Variants in SUMF1 observed in about 807,000 individuals in gnomAD.
SUMF1 encodes formylglycine-generating enzyme.
A neutral mutation model predicts 47.6 loss-of-function variants in SUMF1; 48 were observed. The ratio of observed to expected loss-of-function variants is 1.01; its 90% CI spans 0.80 to 1.28. The LOEUF (loss-of-function observed/expected upper bound fraction) is 1.28. Ranked by LOEUF, SUMF1 falls within the 50% of genes most tolerant of loss-of-function variation. The probability of loss-of-function intolerance (pLI) is 0.00; values close to 1 mark genes in which losing one functional copy is unlikely to be tolerated. For missense variants in SUMF1, 571 were observed against 485.4 expected (o/e 1.18, Z -1.66); for synonymous variants, 230 against 192.1 (o/e 1.20, Z -1.63).
chr3:4,430,749 T>A (rs748118806), intron 3 of SUMF1, among the ~76,000 whole-genome samples: 2 of 152,040 alleles, frequency 1.3e-5, no homozygotes, highest in South Asian at 4.2e-4. Context: ...AGAAGCTCAA[T>A]GAGCTATGGG....
At chr3:4,270,850 T>C (rs1436581665) in intron 8 of SUMF1, among the ~76,000 whole-genome samples, 1 of 152,218 alleles carries the variant, frequency 6.6e-6, no homozygotes, top group Non-Finnish European at 1.5e-5. Context: ...CTAAAGGGCT[T>C]GGTATTCTTA....
Position 4,233,680 on chromosome 3 carries a change from G to C in SUMF1, c.1014+142650C>G, listed in dbSNP as rs570904319. On this transcript the variant is annotated intron_variant and NMD_transcript_variant, in intron 8 of 12. Coordinates refer to the SUMF1 transcript ENST00000448413. Reference sequence around the variant, plus strand: ...TGTCTGAGTCATGAAAGACTGTTTGGGCACAGATGAGCAGATGTGAAATGC... The same window carrying C: ...TGTCTGAGTCATGAAAGACTGTTTGCGCACAGATGAGCAGATGTGAAATGC... 2.0e-5 allele frequency among the ~76,000 whole-genome samples: 3 copies of C among 152,198 alleles called. 1 individual carries two copies. In the South Asian group the frequency reaches 6.2e-4, roughly 32 times the overall value.
At chr3:4,317,422 AC>A (rs1399224215) in intron 8 of SUMF1, 28 of 573,062 alleles carry the variant, frequency 4.9e-5, no homozygotes, top group Non-Finnish European at 6.4e-5. Flanking sequence ...GTGGCTTACA[AC>A]TGTAATCCCA....
chr3:4,437,384 G>A (rs953250861), intron 3 of SUMF1, among the ~76,000 whole-genome samples: 1 of 151,972 alleles, frequency 6.6e-6, no homozygotes, highest in Non-Finnish European at 1.5e-5. Flanking sequence ...GAGATATAAA[G>A]TATATGACTT....
chr3:4,242,290 T>G (rs1273762637), intron 8 of SUMF1, among the ~76,000 whole-genome samples: 1 of 152,204 alleles, frequency 6.6e-6, no homozygotes, highest in Non-Finnish European at 1.5e-5. Flanking sequence ...CTGATTGCCC[T>G]GGTCAGAACT....
At chr3:4,090,369 T>G (rs1692759558) in intron 8 of SUMF1, among the ~76,000 whole-genome samples, 1 of 152,078 alleles carries the variant, frequency 6.6e-6, no homozygotes, top group Non-Finnish European at 1.5e-5. Context: ...CTGGCATGTC[T>G]AAGTTGTCCC....
chr3:4,465,411 G>A (rs1172386527), intron 1 of SUMF1, among the ~76,000 whole-genome samples: 2 of 152,010 alleles, frequency 1.3e-5, no homozygotes, highest in African/African-American at 2.4e-5. Flanking sequence ...CCCAGGAGGT[G>A]GAGATTGCAG....
At chr3:4,105,112 A>C (rs1377087615) in intron 8 of SUMF1, among the ~76,000 whole-genome samples, 2 of 152,268 alleles carry the variant, frequency 1.3e-5, no homozygotes, top group Non-Finnish European at 2.9e-5. Flanking sequence ...GGACATGATA[A>C]GTGAAATAAG....
At chr3:4,292,956 C>T (rs1168603937) in intron 8 of SUMF1, among the ~76,000 whole-genome samples, 2 of 152,158 alleles carry the variant, frequency 1.3e-5, no homozygotes, top group Non-Finnish European at 2.9e-5. Context: ...CTAAGCTAAG[C>T]TCATGGGTGA....
At chr3:4,049,530 G>A (rs149356589) in intron 9 of SUMF1, among the ~76,000 whole-genome samples, 1 of 152,226 alleles carries the variant, frequency 6.6e-6, no homozygotes, top group Non-Finnish European at 1.5e-5. Flanking sequence ...TGACTCATCT[G>A]TTCAGTAACC....
chr3:4,210,053 C>G lies in SUMF1; in HGVS notation c.1015-141308G>C, dbSNP rs140688720. Among the ~76,000 whole-genome samples, 273 of 152,176 alleles carry G rather than the reference C, an allele frequency of 1.8e-3. 4 individuals are homozygous for G. Among genetic ancestry groups the G allele is most frequent in the Middle Eastern group, 6.8e-3 (2 of 294 alleles). ...GAGATTACAGGTGTGTTCCACCACA[C>G]CTGGCTAATTTTTGTATTTTTAGTA... On this transcript the variant is annotated intron_variant and NMD_transcript_variant, in intron 8 of 12. Coordinates refer to the SUMF1 transcript ENST00000448413.
chr3:4,184,018 C>G (rs1695148971), intron 8 of SUMF1, among the ~76,000 whole-genome samples: 1 of 151,790 alleles, frequency 6.6e-6, no homozygotes, highest in South Asian at 2.1e-4. Context: ...GCCTGCAGTC[C>G]CACCTACTCG....
At chr3:4,331,190 A>G (rs1699044970) in intron 8 of SUMF1, among the ~76,000 whole-genome samples, 1 of 151,194 alleles carries the variant, frequency 6.6e-6, no homozygotes, top group South Asian at 2.1e-4. Context: ...ATATTTGTGT[A>G]GTTTTATCTG....
At chr3:4,227,225 A>T (rs1244740981) in intron 8 of SUMF1, among the ~76,000 whole-genome samples, 1 of 152,124 alleles carries the variant, frequency 6.6e-6, no homozygotes, top group African/African-American at 2.4e-5. Context: ...TTCCTTGACC[A>T]TTCAAGTCAT....
chr3:4,089,777 T>G (rs545032838), intron 8 of SUMF1, among the ~76,000 whole-genome samples: 1 of 152,180 alleles, frequency 6.6e-6, no homozygotes, highest in Non-Finnish European at 1.5e-5. Context: ...TTTTCCTACA[T>G]GTTGATCACA....
chr3:4,111,425 A>G (rs1481855875), intron 8 of SUMF1, among the ~76,000 whole-genome samples: 2 of 151,850 alleles, frequency 1.3e-5, no homozygotes, highest in Non-Finnish European at 2.9e-5. Flanking sequence ...ATCTCATAAA[A>G]CCTTTATTTC....
At chr3:4,172,539 G>A (rs527243550) in intron 8 of SUMF1, among the ~76,000 whole-genome samples, 3 of 152,220 alleles carry the variant, frequency 2.0e-5, no homozygotes, top group Non-Finnish European at 2.9e-5. Context: ...TATTAGCTCT[G>A]CTTTACAGAT....
intron 8 of SUMF1, among the ~76,000 whole-genome samples, chr3:4,333,879 G>A (rs1179862648): frequency 2.6e-5 from 4 of 151,496 alleles, no homozygotes; most frequent in African/African-American, 9.7e-5. Context: ...TGTAATCCCA[G>A]CACTTTTAGA....
At chr3:4,436,854 A>C (rs1702417585) in intron 3 of SUMF1, among the ~76,000 whole-genome samples, 1 of 91,642 alleles carries the variant, frequency 1.1e-5, no homozygotes, top group African/African-American at 2.8e-5. Context: ...CATCACCTAA[A>C]AAAAAAAAAA....
Sources: gnomAD v4.1 joint callset for allele counts (sites outside exome capture counted in the v4.1 genomes callset) on GRCh38, gnomAD v4.1.1 for gene constraint, MANE v1.5 for transcripts, NCBI Gene and HGNC (gene_info 2026-07-23, HGNC 2026-07-21) for gene names.